The following SLIT3 variants were observed in gnomAD, a reference collection of about 807,000 sequenced individuals.
SLIT3 encodes slit homolog 3 protein.
Under a neutral mutation model 184.0 loss-of-function variants are expected in SLIT3, and 68 were observed. The observed-to-expected ratio is 0.37, with a 90% CI of 0.30 to 0.45. The LOEUF (loss-of-function observed/expected upper bound fraction) is 0.45. Among genes scored for constraint, SLIT3 ranks in the 20% least tolerant of loss-of-function variants. The probability of loss-of-function intolerance (pLI) is 1.00; values close to 1 mark genes in which losing one functional copy is unlikely to be tolerated. For synonymous variants in SLIT3, 831 were observed against 828.6 expected (o/e 1.00, Z -0.05); for missense variants, 1,707 against 2,026.0 (o/e 0.84, Z 3.02).
intron 5 of SLIT3, among the ~76,000 whole-genome samples, chr5:168,873,895 G>A (rs568319439): frequency 3.3e-5 from 5 of 151,700 alleles, no homozygotes; most frequent in East Asian, 1.9e-4. Context: ...GAACATCAAC[G>A]AATACCAGAG....
chr5:169,221,502 G>A (rs1225232074), intron 3 of SLIT3, among the ~76,000 whole-genome samples: 1 of 152,148 alleles, frequency 6.6e-6, no homozygotes, highest in Non-Finnish European at 1.5e-5. Flanking sequence ...CCAGAGAGAT[G>A]CCAAGACAAT....
intron 4 of SLIT3, among the ~76,000 whole-genome samples, chr5:168,943,154 A>G (rs550501283): frequency 4.6e-5 from 7 of 152,346 alleles, no homozygotes; most frequent in African/African-American, 1.7e-4. Flanking sequence ...GAGCTGGGGC[A>G]CTTATTCTAG....
chr5:169,069,807 G>A (rs1487684962), intron 4 of SLIT3, among the ~76,000 whole-genome samples: 1 of 152,014 alleles, frequency 6.6e-6, no homozygotes, highest in Non-Finnish European at 1.5e-5. Flanking sequence ...TGGTGAGTGT[G>A]TACACCATGA....
At chr5:168,972,868 T>C (rs546340055) in intron 4 of SLIT3, among the ~76,000 whole-genome samples, 10 of 152,330 alleles carry the variant, frequency 6.6e-5, no homozygotes, top group Non-Finnish European at 2.9e-5. Flanking sequence ...GCAGGTCAAA[T>C]GCATTCTTTC....
intron 1 of SLIT3, among the ~76,000 whole-genome samples, chr5:169,293,369 C>A (rs187637465): frequency 4.7e-4 from 71 of 152,116 alleles, no homozygotes; most frequent in African/African-American, 1.7e-3. Flanking sequence ...ACCACCTTCC[C>A]CTAAATCATG....
intron 4 of SLIT3, among the ~76,000 whole-genome samples, chr5:169,094,677 T>C (rs1008743417): frequency 2.0e-5 from 3 of 152,300 alleles, no homozygotes; most frequent in Admixed American, 6.5e-5. Context: ...CCTCCAAATG[T>C]ACTACAGATC....
chr5:168,671,710 TATTAGAAA>T (rs1761254277), intron 33 of SLIT3, among the ~76,000 whole-genome samples: 1 of 152,164 alleles, frequency 6.6e-6, no homozygotes, highest in Admixed American at 6.5e-5. Context: ...CAATATGTAA[TATTAGAAA>T]ATTTCCCATA....
intron 6 of SLIT3, among the ~76,000 whole-genome samples, chr5:168,840,048 T>C (rs2974429): frequency 0.98 from 149,965 of 152,310 alleles, 73,838 homozygotes; most frequent in East Asian, 1. Context: ...CCTAAGGTCC[T>C]ACCAGCGCCA....
chr5:169,297,732 C>T (rs772190299), intron 1 of SLIT3, among the ~76,000 whole-genome samples: 38 of 152,186 alleles, frequency 2.5e-4, no homozygotes, highest in Non-Finnish European at 4.0e-4. Flanking sequence ...ACATTCTTTA[C>T]ATTGAAGTGC....
At chr5:168,805,228 T>G (rs1756914028) in intron 9 of SLIT3, among the ~76,000 whole-genome samples, 1 of 152,000 alleles carries the variant, frequency 6.6e-6, no homozygotes, top group African/African-American at 2.4e-5. Flanking sequence ...AACAGATGTT[T>G]ACTGAATGAA....
intron 12 of SLIT3, among the ~76,000 whole-genome samples, chr5:168,784,184 T>C (rs899794771): frequency 3.3e-5 from 5 of 152,200 alleles, no homozygotes; most frequent in African/African-American, 7.2e-5. Flanking sequence ...GTGGATACTA[T>C]TGATACTCTT....
chr5:169,150,436 C>T lies in SLIT3; in HGVS notation c.413+43043G>A, dbSNP rs571578838. Among the ~76,000 whole-genome samples, 48 of 152,126 alleles carry T rather than the reference C, an allele frequency of 3.2e-4. 2 individuals carry two copies. The highest frequency in any genetic ancestry group is 1.1e-3 in the African/African-American group (47 of 41,504). On this transcript the variant is annotated intron_variant, in intron 4 of 35. Coordinates refer to ENST00000519560, the MANE Select transcript of SLIT3 (RefSeq NM_003062.4). ...AGAACACTTGGGCCTAAACAAAGGT[C>T]TAACTAAGGAAGAAAAAATGGTCTC...
intron 29 of SLIT3, among the ~76,000 whole-genome samples, chr5:168,691,858 CA>C (rs1761919058): frequency 6.6e-6 from 1 of 152,158 alleles, no homozygotes; most frequent in South Asian, 2.1e-4. Flanking sequence ...TCAAGGGTCT[CA>C]CAATCTTCTC....
At chr5:169,081,993 C>A (rs140982918) in intron 4 of SLIT3, among the ~76,000 whole-genome samples, 10 of 152,310 alleles carry the variant, frequency 6.6e-5, no homozygotes, top group East Asian at 1.9e-4. Context: ...CAGACCCCCC[C>A]ACAGCATAAC....
At position 169,300,886 on chromosome 5, in the gene SLIT3, C is replaced by A. The variant is rs112675621; in HGVS notation, c.-177G>T. 0.34 allele frequency: 132,850 copies of A among 395,226 alleles called. 22,470 individuals are homozygous for A. The highest frequency in any genetic ancestry group is 0.43 in the East Asian group (7,613 of 17,774). 24.5% of individuals were successfully genotyped at this position (395,226 alleles called of 1,614,324 possible). A position where few individuals can be genotyped will look rare whatever the true frequency, so the allele number is the denominator to read the frequency against. On this transcript the variant is annotated 5_prime_UTR_variant, in exon 1 of 36. Coordinates refer to ENST00000519560, the MANE Select transcript of SLIT3 (RefSeq NM_003062.4). The surrounding 1 kb of genome is among the most constrained non-coding windows in gnomAD (Gnocchi z 4.1). ...CGCGGGCGGAGCGGGGCGCTCCGGG[C>A]GGCGGCGGCGGCAGCAACAGCAGCT...
intron 4 of SLIT3, among the ~76,000 whole-genome samples, chr5:169,123,161 T>C (rs1435678399): frequency 6.6e-6 from 1 of 152,112 alleles, no homozygotes; most frequent in Non-Finnish European, 1.5e-5. Context: ...GAACAGGATC[T>C]AGTTTGAGGT....
In SLIT3 at chr5:169,087,139, G is replaced by GCAAAA. The variant is rs577953421; in HGVS notation, c.413+106335_413+106339dup. Among the ~76,000 whole-genome samples, 46 of 152,298 alleles carry GCAAAA rather than the reference G, an allele frequency of 3.0e-4. 1 individual carries two copies. In the East Asian group the frequency reaches 7.1e-3, roughly 24 times the overall value. Reference sequence around the variant, plus strand: ...ATTTTGTGTTTCACAACAAAGCAAAGCAAAACAAAACAACAAAACAACTTA... The same window carrying GCAAAA: ...ATTTTGTGTTTCACAACAAAGCAAAGCAAAACAAAACAAAACAACAAAACAACTTA... On this transcript the variant is annotated intron_variant, in intron 4 of 35. Coordinates refer to ENST00000519560, the MANE Select transcript of SLIT3 (RefSeq NM_003062.4).
At chr5:169,095,431 T>C (rs902887812) in intron 4 of SLIT3, among the ~76,000 whole-genome samples, 1 of 152,168 alleles carries the variant, frequency 6.6e-6, no homozygotes, top group Non-Finnish European at 1.5e-5. Context: ...CTGAGAAGCA[T>C]AACAAGTTCT....
chr5:169,259,576 C>T (rs1766093749), intron 1 of SLIT3, among the ~76,000 whole-genome samples: 1 of 152,138 alleles, frequency 6.6e-6, no homozygotes, highest in Non-Finnish European at 1.5e-5. Context: ...CAGAATACTG[C>T]CTTCTGGGTT....
Sources: allele counts gnomAD v4.1 joint callset (sites outside exome capture counted in the v4.1 genomes callset), GRCh38; gene constraint gnomAD v4.1.1; non-coding constraint Gnocchi (gnomAD v3.1); transcripts MANE v1.5; gene names NCBI Gene and HGNC (gene_info 2026-07-23, HGNC 2026-07-21).